MSI2: variants seen among roughly 807,000 people sequenced by gnomAD.
The protein encoded by MSI2 is RNA-binding protein Musashi homolog 2.
Under a neutral mutation model 45.6 loss-of-function variants are expected in MSI2, and 17 were observed. The observed-to-expected ratio is 0.37, with a 90% CI of 0.26 to 0.56. The LOEUF (loss-of-function observed/expected upper bound fraction) is 0.56, where lower values mean the gene tolerates loss of function less well. Among genes scored for constraint, MSI2 ranks in the 20% least tolerant of loss-of-function variants. The pLI is 0.77. For missense variants in MSI2, 293 were observed against 444.2 expected (o/e 0.66, Z 3.06); for synonymous variants, 156 against 158.2 (o/e 0.99, Z 0.11).
At chr17:57,570,199 C>T (rs558445357) in intron 7 of MSI2, among the ~76,000 whole-genome samples, 48 of 152,208 alleles carry the variant, frequency 3.2e-4, no homozygotes, top group African/African-American at 1.1e-3. Flanking sequence ...TTAGAATCAC[C>T]TGGGGAGCTC....
intron 11 of MSI2, among the ~76,000 whole-genome samples, chr17:57,665,436 C>A (rs1415613068): frequency 6.6e-6 from 1 of 152,222 alleles, no homozygotes; most frequent in Non-Finnish European, 1.5e-5. Flanking sequence ...TAATTAGTGA[C>A]ATGTATGCGC....
intron 6 of MSI2, among the ~76,000 whole-genome samples, chr17:57,505,983 G>T (rs1332581020): frequency 2.0e-5 from 3 of 152,178 alleles, no homozygotes; most frequent in African/African-American, 7.2e-5. Flanking sequence ...CTCCCTTCCT[G>T]ATGGCCCCCT....
chr17:57,494,897 G>A (rs770076307), intron 6 of MSI2, among the ~76,000 whole-genome samples: 1 of 152,092 alleles, frequency 6.6e-6, no homozygotes, highest in Non-Finnish European at 1.5e-5. Flanking sequence ...CAAGCGGAGG[G>A]AGGTATAGGA....
At chr17:57,292,119 T>C (rs1910474718) in intron 5 of MSI2, among the ~76,000 whole-genome samples, 1 of 144,062 alleles carries the variant, frequency 6.9e-6, no homozygotes, top group Non-Finnish European at 1.5e-5. Context: ...ACCGAGAAGG[T>C]CCAGTGGATT....
chr17:57,479,331 G>T (rs1257813423), intron 6 of MSI2, among the ~76,000 whole-genome samples: 1 of 152,122 alleles, frequency 6.6e-6, no homozygotes, highest in Non-Finnish European at 1.5e-5. Flanking sequence ...AGATGGGAAA[G>T]GTTAGTTTGA....
At chr17:57,496,384 C>T (rs9891088) in intron 6 of MSI2, among the ~76,000 whole-genome samples, 14,643 of 152,262 alleles carry the variant, frequency 0.096, 1,298 homozygotes, top group South Asian at 0.24. Flanking sequence ...CCTCTCCCCA[C>T]TTAGGTCCTT....
chr17:57,507,595 A>G (rs1240999004), intron 6 of MSI2, among the ~76,000 whole-genome samples: 4 of 152,144 alleles, frequency 2.6e-5, no homozygotes, highest in Non-Finnish European at 4.4e-5. Context: ...TAGGACTATA[A>G]AATAATGACT....
At chr17:57,269,276 G>A (rs141454496) in intron 5 of MSI2, among the ~76,000 whole-genome samples, 186 of 152,278 alleles carry the variant, frequency 1.2e-3, no homozygotes, top group African/African-American at 4.2e-3. Context: ...AGGCCTCAAG[G>A]GCCCAATAAG....
intron 5 of MSI2, among the ~76,000 whole-genome samples, chr17:57,346,287 C>T (rs978009057): frequency 2.7e-5 from 4 of 150,160 alleles, no homozygotes; most frequent in East Asian, 2.0e-4. Flanking sequence ...AGTTTAACAG[C>T]GAAGTAACCC....
chr17:57,623,828 G>C lies in MSI2; in HGVS notation c.653-3401G>C, dbSNP rs62058126. Reference sequence around the variant, plus strand: ...GTGGCTGGGGCTGTGAACCATTCGAGCAGAGCTGGGCTGCACAGCAGTAAA... The same window carrying C: ...GTGGCTGGGGCTGTGAACCATTCGACCAGAGCTGGGCTGCACAGCAGTAAA... On this transcript the variant is annotated intron_variant, in intron 9 of 13. Transcript: ENST00000284073. 1.0e-2 allele frequency among the ~76,000 whole-genome samples: 1,518 copies of C among 152,312 alleles called. 38 individuals carry two copies. The highest frequency in any genetic ancestry group is 9.0e-3 in the Non-Finnish European group (612 of 68,028).
chr17:57,698,628 G>A, the MSI2 span, among the ~76,000 whole-genome samples: 6 of 152,056 alleles, frequency 3.9e-5, no homozygotes, highest in East Asian at 1.2e-3. Context: ...CGCTGTCTTG[G>A]GTTTATTGTT....
At chr17:57,339,860 C>T (rs139250345) in intron 5 of MSI2, among the ~76,000 whole-genome samples, 203 of 152,230 alleles carry the variant, frequency 1.3e-3, no homozygotes, top group African/African-American at 4.6e-3. Context: ...TGGGCCATGG[C>T]CTCCTGGAAA....
chr17:57,636,613 G>A (rs938094360), intron 10 of MSI2, among the ~76,000 whole-genome samples: 1 of 152,208 alleles, frequency 6.6e-6, no homozygotes, highest in Admixed American at 6.5e-5. Context: ...CCCTCCCCAG[G>A]CTCTGTAATC....
chr17:57,420,386 C>T (rs572958279), intron 6 of MSI2, among the ~76,000 whole-genome samples: 1 of 152,316 alleles, frequency 6.6e-6, no homozygotes, highest in East Asian at 1.9e-4. Flanking sequence ...CTTGCTCTCC[C>T]CCACTTTTGG....
intron 6 of MSI2, among the ~76,000 whole-genome samples, chr17:57,480,850 C>T (rs2085634663): frequency 6.6e-6 from 1 of 152,192 alleles, no homozygotes; most frequent in African/African-American, 2.4e-5. Context: ...ATTAGGTGAG[C>T]ATTGACAAGA....
intron 7 of MSI2, among the ~76,000 whole-genome samples, chr17:57,594,364 A>G (rs1905095141): frequency 6.6e-6 from 1 of 152,172 alleles, no homozygotes; most frequent in East Asian, 1.9e-4. Context: ...TTCCTGGCTG[A>G]GTGCTCCAGG....
intron 6 of MSI2, among the ~76,000 whole-genome samples, chr17:57,483,835 CA>C (rs999915469): frequency 6.6e-6 from 1 of 152,178 alleles, no homozygotes; most frequent in African/African-American, 2.4e-5. Flanking sequence ...AGCCCCCAGG[CA>C]GCAGATGGGA....
In MSI2 at chr17:57,257,456, C is replaced by A; in HGVS notation, c.104-10C>A. 1 of 1,340,658 alleles carries A rather than the reference C, an allele frequency of 7.5e-7. No homozygotes were observed. The highest frequency in any genetic ancestry group is 1.1e-6 in the Non-Finnish European group (1 of 950,080). The allele number at this position is 1,340,658 out of a possible 1,614,324, so 83.0% of individuals were successfully genotyped here. A position where few individuals can be genotyped will look rare whatever the true frequency, so the allele number is the denominator to read the frequency against. On this transcript the variant is annotated splice_polypyrimidine_tract_variant and intron_variant, in intron 2 of 13. Coordinates refer to ENST00000284073, the MANE Select transcript of MSI2 (RefSeq NM_138962.4). ...CTCCCCCCCCCATCTCTCTCTTTCTCTCTCTACAGATAGCCTTAGAGACTA... is the reference window on the plus strand; with the variant it reads ...CTCCCCCCCCCATCTCTCTCTTTCTATCTCTACAGATAGCCTTAGAGACTA...
chr17:57,676,937 C>G, intron 12 of MSI2, 50 bp from the exon 13 acceptor site: 1 of 1,150,340 alleles, frequency 8.7e-7, no homozygotes, highest in South Asian at 1.2e-5. Context: ...ATATGACAAT[C>G]TGTTCCCATG....
Sources: gnomAD v4.1 joint callset for allele counts (sites outside exome capture counted in the v4.1 genomes callset) on GRCh38, gnomAD v4.1.1 for gene constraint, MANE v1.5 for transcripts, NCBI Gene and HGNC (gene_info 2026-07-23, HGNC 2026-07-21) for gene names.